The following PTPRB variants were observed in gnomAD, a reference collection of about 807,000 sequenced individuals.
PTPRB encodes protein tyrosine phosphatase receptor type B.
A neutral mutation model predicts 238.1 loss-of-function variants in PTPRB; 97 were observed. That is an observed-to-expected ratio of 0.41 (90% CI 0.35 to 0.48). PTPRB has a LOEUF of 0.48. PTPRB is among the 20% of genes least tolerant of loss of function. The pLI, the probability that PTPRB is intolerant of heterozygous loss-of-function variation, is 0.30. For missense variants in PTPRB, 2,292 were observed against 2,681.9 expected (o/e 0.85, Z 3.21); for synonymous variants, 970 against 995.4 (o/e 0.97, Z 0.48).
intron 32 of PTPRB, among the ~76,000 whole-genome samples, chr12:70,528,705 A>C (rs1284967666): frequency 6.6e-6 from 1 of 152,240 alleles, no homozygotes; most frequent in Non-Finnish European, 1.5e-5. Context: ...GCATGTAAGC[A>C]TGCCAGGTGT....
intron 32 of PTPRB, among the ~76,000 whole-genome samples, chr12:70,529,865 A>G (rs1872925019): frequency 6.6e-6 from 1 of 152,152 alleles, no homozygotes; most frequent in Admixed American, 6.5e-5. Context: ...ATGTCATGCA[A>G]CAGAAAGCCC....
chr12:70,571,375 C>T, intron 12 of PTPRB, 86 bp from the exon 13 acceptor site: 2 of 1,289,954 alleles, frequency 1.6e-6, no homozygotes, highest in Non-Finnish European at 2.1e-6. Flanking sequence ...ATTCAAGGAA[C>T]TGGCAACATC....
At position 70,635,697 on chromosome 12, in the gene PTPRB, A is replaced by C; in HGVS notation, c.425T>G (p.Val142Gly). 2 of 1,613,858 alleles carry C rather than the reference A, an allele frequency of 1.2e-6. No individual in the cohort carries two copies. The highest frequency in any genetic ancestry group is 1.7e-6 in the Non-Finnish European group (2 of 1,179,814). The stretch of plus-strand genomic sequence containing the variant: ...TTTTTGTAAACAGAGGCTTTCATTG[A>C]CCAGTTTTCCCTCCTTGTTGACATC... The part of the protein sequence containing the change: ...KIDVNKEGKL[V>G]NESLCLQKAG... The change falls in exon 2 of 34, where the codon GTC (valine) becomes GGC (glycine). Residue 142 changes from valine to glycine, a missense_variant. This residue lies in a region of PTPRB where 1,205 missense variants were observed against 1,287.8 expected (regional missense o/e 0.94). Transcript: ENST00000334414.
rs34092195 is a variant in PTPRB, at chr12:70,590,590, C to CTTT, written c.1781-360_1781-358dup. Among the ~76,000 whole-genome samples the CTTT allele has an allele frequency of 5.0e-4, 53 of 105,984 alleles. 1 individual carries two copies. The highest frequency in any genetic ancestry group is 1.5e-3 in the African/African-American group (44 of 29,944). The allele number at this position is 105,984 out of a possible 152,430, so 69.5% of individuals were successfully genotyped here. ...ATTAATGTTCTTGCAAGATTAAGTT[C>CTTT]TTTTTTTTTTTTTTTTTTTTGCTTA... On this transcript the variant is annotated intron_variant, in intron 7 of 33. Coordinates refer to ENST00000334414, the MANE Select transcript of PTPRB (RefSeq NM_001109754.4).
intron 16 of PTPRB, among the ~76,000 whole-genome samples, chr12:70,562,296 T>A (rs1207968012): frequency 1.1e-4 from 16 of 139,782 alleles, no homozygotes; most frequent in South Asian, 8.9e-4. Flanking sequence ...CCCAAAACAT[T>A]TTTTTTTGAA....
intron 27 of PTPRB, 31 bp from the exon 28 acceptor site, chr12:70,538,262 G>C: frequency 6.3e-7 from 1 of 1,590,302 alleles, no homozygotes; most frequent in Non-Finnish European, 8.6e-7. Context: ...CTGAGTCTTG[G>C]AGTGACTTTT....
At chr12:70,569,647 T>C (rs1434908294) in intron 14 of PTPRB, 28 bp downstream of exon 14, 1 of 1,612,466 alleles carries the variant, frequency 6.2e-7, no homozygotes, top group African/African-American at 1.3e-5. Context: ...CATTCTACAA[T>C]CTAGCCCTTC....
intron 13 of PTPRB, 115 bp downstream of exon 13, chr12:70,570,911 C>G: frequency 1.8e-6 from 2 of 1,130,434 alleles, no homozygotes; most frequent in Non-Finnish European, 2.5e-6. Flanking sequence ...TGACTTTGTC[C>G]CTTCTTGCTG....
At position 70,556,094 on chromosome 12, in the gene PTPRB, G is replaced by GC; in HGVS notation, c.4768dup (p.Ala1590GlyfsTer8). 1 of 1,613,774 alleles carries GC rather than the reference G, an allele frequency of 6.2e-7. No homozygotes were observed. Among genetic ancestry groups the GC allele is most frequent in the Non-Finnish European group, 8.5e-7 (1 of 1,179,740 alleles). ...AGAATCAGGAGGGATCCAAGAACAG[G>GC]CAATGGCCGTGGAGTTCTGAGGCCG... On this transcript the variant is annotated frameshift_variant, in exon 19 of 34. Coordinates refer to ENST00000334414, the MANE Select transcript of PTPRB (RefSeq NM_001109754.4). LOFTEE classifies it high-confidence loss of function.
chr12:70,569,493 T>C (rs768540773), intron 14 of PTPRB, among the ~76,000 whole-genome samples, 182 bp downstream of exon 14: 7 of 152,222 alleles, frequency 4.6e-5, no homozygotes, highest in Non-Finnish European at 8.8e-5. Flanking sequence ...TCATTTGTTT[T>C]GCAGATCTCT....
In PTPRB at chr12:70,540,909, A is replaced by G. The variant is rs759114002; in HGVS notation, c.5543T>C (p.Ile1848Thr). Residue 1848 changes from isoleucine to threonine, a missense_variant, in exon 23 of 34, where the codon ATT becomes ACT. Ile to Thr is a moderately conservative substitution (Grantham distance 89, BLOSUM62 -1). Transcript: ENST00000334414. ...GGCAACAACAGCCACTAGCATGCCAATTAAAAACAGACCAGCACTCACACC... is the reference window on the plus strand; with the variant it reads ...GGCAACAACAGCCACTAGCATGCCAGTTAAAAACAGACCAGCACTCACACC... ...IEGVSAGLFLIGMLVAVVALL... is the reference protein window; with the variant it reads ...IEGVSAGLFLTGMLVAVVALL... 1.4e-5 allele frequency: 22 copies of G among 1,607,414 alleles called. No individual in the cohort carries two copies. In the African/African-American group the frequency reaches 1.5e-4, roughly 11 times the overall value.
intron 28 of PTPRB, among the ~76,000 whole-genome samples, chr12:70,537,284 CAAAAAAA>C (rs58633138): frequency 9.9e-5 from 9 of 90,684 alleles, no homozygotes; most frequent in Middle Eastern, 5.9e-3. Flanking sequence ...AAGACCATCT[CAAAAAAA>C]AAAAAAAAAA....
intron 4 of PTPRB, among the ~76,000 whole-genome samples, chr12:70,600,652 G>A (rs1451204774): frequency 1.3e-5 from 2 of 152,012 alleles, no homozygotes; most frequent in Non-Finnish European, 2.9e-5. Flanking sequence ...TTTACCTGGA[G>A]TCCCTTCATT....
At chr12:70,572,177 A>G (rs1208983700) in intron 11 of PTPRB, 90 bp from the exon 12 acceptor site, 1 of 1,284,926 alleles carries the variant, frequency 7.8e-7, no homozygotes, top group African/African-American at 1.5e-5. Context: ...AAAAAGAGAG[A>G]GTAGATTATT....
intron 32 of PTPRB, among the ~76,000 whole-genome samples, chr12:70,526,063 C>A (rs763116536): frequency 6.6e-5 from 10 of 152,164 alleles, no homozygotes; most frequent in Non-Finnish European, 1.3e-4. Flanking sequence ...CACTAACAAT[C>A]TTTCCAAGTA....
chr12:70,601,783 CTTTTTTCTTTTT>C lies in PTPRB; in HGVS notation c.980-5468_980-5457del, dbSNP rs1883513082. Among the ~76,000 whole-genome samples the C allele has an allele frequency of 2.9e-5, 4 of 140,244 alleles. No homozygotes were observed. In the South Asian group the frequency reaches 9.3e-4, roughly 33 times the overall value. 92.0% of individuals were successfully genotyped at this position (140,244 alleles called of 152,430 possible). On this transcript the variant is annotated intron_variant, in intron 4 of 33. Transcript: ENST00000334414. ...TTCTAGAGAGGTAATTTCTTTTTTT[CTTTTTTCTTTTT>C]TTTTTTTTTTTTTTGAGATGGAGTC...
intron 4 of PTPRB, 130 bp from the exon 5 acceptor site, chr12:70,596,457 T>C: frequency 9.6e-7 from 1 of 1,037,290 alleles, no homozygotes; most frequent in Non-Finnish European, 1.2e-6. Context: ...TTCTCAAAAA[T>C]CTGTTATTTG....
At chr12:70,570,974 G>T (rs1879967671) in intron 13 of PTPRB, 52 bp downstream of exon 13, 2 of 1,588,592 alleles carry the variant, frequency 1.3e-6, no homozygotes, top group East Asian at 4.5e-5. Flanking sequence ...CTACCCGAAA[G>T]TTAAATGCAC....
chr12:70,518,123 T>C lies in PTPRB; in HGVS notation c.*3366A>G, dbSNP rs1376400150. The C allele has an allele frequency of 1.3e-5, 2 of 152,194 alleles. No homozygotes were observed. The highest frequency in any genetic ancestry group is 4.8e-5 in the African/African-American group (2 of 41,446). The allele number at this position is 152,194 out of a possible 1,614,324, so 9.4% of individuals were successfully genotyped here. On this transcript the variant is annotated 3_prime_UTR_variant, in exon 34 of 34. Transcript: ENST00000334414. ...CTGCCCCGAAAATGTCTGTGTGCTG[T>C]GTGCCTTTTAGTATTTAAAAGTGAA...
Sources: allele counts gnomAD v4.1 joint callset (sites outside exome capture counted in the v4.1 genomes callset), GRCh38; gene constraint gnomAD v4.1.1; regional missense constraint gnomAD v4.1.1; transcripts MANE v1.5; gene names NCBI Gene and HGNC (gene_info 2026-07-23, HGNC 2026-07-21).